Variants in CCDC154 observed in about 807,000 individuals in gnomAD.
CCDC154 encodes the protein coiled-coil domain-containing protein 154.
In CCDC154, 91 loss-of-function variants were observed where a neutral mutation model predicts 87.5. The observed-to-expected ratio is 1.04, with a 90% CI of 0.88 to 1.24. The LOEUF is 1.24. Among genes scored for constraint, CCDC154 ranks in the 50% most tolerant of loss-of-function variants. The pLI is 0.00. For missense variants in CCDC154, 903 were observed against 879.2 expected (o/e 1.03, Z -0.34); for synonymous variants, 418 against 400.4 (o/e 1.04, Z -0.52).
chr16:1,444,116 G>A, intron 1 of CCDC154, 104 bp from the exon 2 acceptor site: 1 of 1,044,686 alleles, frequency 9.6e-7, no homozygotes, highest in Non-Finnish European at 1.3e-6. Flanking sequence ...CCACCACCCA[G>A]AGCTCAACGC....
At chr16:1,439,645 C>T (rs748354467) in intron 6 of CCDC154, among the ~76,000 whole-genome samples, 4 of 152,154 alleles carry the variant, frequency 2.6e-5, no homozygotes, top group East Asian at 3.9e-4. Context: ...CACGGAGAGG[C>T]GCCTCCCGGG....
In CCDC154 at chr16:1,443,590, G is replaced by A. The variant is rs906999863; in HGVS notation, c.330C>T (p.Arg110=). The change falls in exon 3 of 17, where the codon CGC becomes CGT. Residue 110 remains arginine (R), a synonymous_variant. Coordinates refer to ENST00000389176, the MANE Select transcript of CCDC154 (RefSeq NM_001143980.3). ...TCAGCTCTGAGCCCTGCAGCTGCAC[G>A]CGGGCCCGCACCTGGAGCAGCTCCC... ...LLRELLQVRA[R]VQLQGSELRQ... The A allele has an allele frequency of 1.7e-5, 25 of 1,457,440 alleles. No homozygotes were observed. The highest frequency in any genetic ancestry group is 1.5e-4 in the South Asian group (12 of 80,422). The allele number at this position is 1,457,440 out of a possible 1,614,324, so 90.3% of individuals were successfully genotyped here.
Position 1,434,857 on chromosome 16 carries a change from G to C in CCDC154, c.1693-5C>G. ...GGTGGCCATCTCCTGCGTGCGCTGT[G>C]GGACGGGGATGCTGGTGTCACCCAG... On this transcript the variant is annotated splice_region_variant and splice_polypyrimidine_tract_variant and intron_variant, in intron 15 of 16. Coordinates refer to ENST00000389176, the MANE Select transcript of CCDC154 (RefSeq NM_001143980.3). 1 of 1,492,306 alleles carries C rather than the reference G, an allele frequency of 6.7e-7. No individual in the cohort carries two copies. 92.4% of individuals were successfully genotyped at this position (1,492,306 alleles called of 1,614,324 possible).
intron 11 of CCDC154, chr16:1,437,245 C>T (rs1248521908): frequency 4.8e-6 from 1 of 210,146 alleles, no homozygotes; most frequent in Non-Finnish European, 9.5e-6. Context: ...AACGGGATGC[C>T]CGTGGGTGTC....
In CCDC154 at chr16:1,435,106, T is replaced by G; in HGVS notation, c.1675A>C (p.Asn559His). The G allele has an allele frequency of 6.5e-7, 1 of 1,549,874 alleles. No individual in the cohort carries two copies. The highest frequency in any genetic ancestry group is 8.7e-7 in the Non-Finnish European group (1 of 1,146,798). The change falls in exon 15 of 17, where the codon AAC becomes CAC. Residue 559 changes from asparagine (N) to histidine (H), a missense_variant. Coordinates refer to ENST00000389176, the MANE Select transcript of CCDC154 (RefSeq NM_001143980.3). ...CTCCTCACCAGCCGGGCCTCAGTGT[T>G]GAACCTGAGGTTCTGGATGGTCTTG... ...ANKTIQNLRF[N>H]TEARLRTQEM...
Position 1,443,707 on chromosome 16 carries a change from G to A in CCDC154, c.225-12C>T, listed in dbSNP as rs749556137. On this transcript the variant is annotated splice_polypyrimidine_tract_variant and intron_variant, in intron 2 of 16. Coordinates refer to ENST00000389176, the MANE Select transcript of CCDC154 (RefSeq NM_001143980.3). ...GCAGCTCCACCACCCTGGCCGGGGCGAGAGTGGGCGAGTCTGGCGGTGCCC... is the reference window on the plus strand; with the variant it reads ...GCAGCTCCACCACCCTGGCCGGGGCAAGAGTGGGCGAGTCTGGCGGTGCCC... 1.8e-5 allele frequency: 23 copies of A among 1,295,972 alleles called. No homozygotes were observed. The highest frequency in any genetic ancestry group is 5.1e-5 in the East Asian group (1 of 19,516). 80.3% of individuals were successfully genotyped at this position (1,295,972 alleles called of 1,614,324 possible).
rs117318560 is a variant in CCDC154 at position 1,434,535 on chromosome 16, C to T, written c.1878-1G>A. 4.9e-3 allele frequency: 7,582 copies of T among 1,545,066 alleles called. 33 individuals are homozygous for T. The highest frequency in any genetic ancestry group is 7.2e-3 in the Middle Eastern group (40 of 5,550). On this transcript the variant is annotated splice_acceptor_variant, in intron 16 of 16. Coordinates refer to ENST00000389176, the MANE Select transcript of CCDC154 (RefSeq NM_001143980.3). LOFTEE classifies it high-confidence loss of function. ...GAGGGACGCCTTCCAGCGCAGCCAC[C>T]TGTCCAGAGATGCGGCACATGGCCC...
rs1450007146 is a variant in CCDC154 at position 1,443,797 on chromosome 16, A to G, written c.223T>C (p.Trp75Arg). ...TAKHWNQLEQWVVELQAEVAC... is the reference protein window; with the variant it reads ...TAKHWNQLEQRVVELQAEVAC... ...GCCAGCACCCCCTGCAGGGCTCACCACTGCTCCAGCTGGTTCCAGTGCTTG... is the reference window on the plus strand; with the variant it reads ...GCCAGCACCCCCTGCAGGGCTCACCGCTGCTCCAGCTGGTTCCAGTGCTTG... Residue 75 changes from tryptophan to arginine, a missense_variant and splice_region_variant, in exon 2 of 17, where the codon TGG (tryptophan) becomes CGG (arginine). Transcript: ENST00000389176. 4 of 1,305,022 alleles carry G rather than the reference A, an allele frequency of 3.1e-6. No individual in the cohort carries two copies. The highest frequency in any genetic ancestry group is 4.0e-6 in the Non-Finnish European group (4 of 989,714). The allele number at this position is 1,305,022 out of a possible 1,614,324, so 80.8% of individuals were successfully genotyped here.
chr16:1,440,144 A>AG (rs1266892244), intron 6 of CCDC154, among the ~76,000 whole-genome samples: 5 of 44,638 alleles, frequency 1.1e-4, no homozygotes, highest in South Asian at 1.4e-3. Context: ...CGAGACTGTC[A>AG]GAAAAAAAAA....
chr16:1,437,787 C>T, intron 11 of CCDC154, 30 bp downstream of exon 11: 7 of 1,511,398 alleles, frequency 4.6e-6, no homozygotes, highest in Non-Finnish European at 6.2e-6. Context: ...CCCCATAGCC[C>T]CGCCTGCCCC....
chr16:1,442,307 T>C (rs2038558736), intron 6 of CCDC154, 99 bp downstream of exon 6: 11 of 1,304,688 alleles, frequency 8.4e-6, no homozygotes, highest in African/African-American at 1.5e-5. Flanking sequence ...CACAGATACA[T>C]GGTGAACGGC....
chr16:1,443,603 T>C lies in CCDC154; in HGVS notation c.317A>G (p.Gln106Arg). ...CTGCAGCTGCACGCGGGCCCGCACC[T>C]GGAGCAGCTCCCGCAGCAGGCTCCG... Reference protein sequence around the residue: ...ATRSLLRELLQVRARVQLQGS... With the variant: ...ATRSLLRELLRVRARVQLQGS... The change falls in exon 3 of 17, where the codon CAG (glutamine) becomes CGG (arginine). Residue 106 changes from glutamine (Q) to arginine (R), a missense_variant. By Grantham distance (43) the Gln-to-Arg change is conservative. Transcript: ENST00000389176. 3.5e-6 allele frequency: 5 copies of C among 1,438,298 alleles called. No individual in the cohort carries two copies. The highest frequency in any genetic ancestry group is 4.6e-6 in the Non-Finnish European group (5 of 1,089,824). 89.1% of individuals were successfully genotyped at this position (1,438,298 alleles called of 1,614,324 possible). A position where few individuals can be genotyped will look rare whatever the true frequency, so the allele number is the denominator to read the frequency against.
chr16:1,434,579 C>G, intron 16 of CCDC154, 45 bp from the exon 17 acceptor site: 1 of 1,521,928 alleles, frequency 6.6e-7, no homozygotes, highest in Non-Finnish European at 8.8e-7. Flanking sequence ...CCGCCCCACC[C>G]CCCATGGCCC....
Position 1,435,968 on chromosome 16 carries a change from C to T in CCDC154, c.1605+1G>A. 2 of 1,549,466 alleles carry T rather than the reference C, an allele frequency of 1.3e-6. No homozygotes were observed. The highest frequency in any genetic ancestry group is 1.7e-6 in the Non-Finnish European group (2 of 1,146,452). ...CTGGGTGCGGGCAGCCCCAGGACTA[C>T]CGTGGCCAGCTTGCCCTGCATCTCC... On this transcript the variant is annotated splice_donor_variant, in intron 14 of 16. Transcript: ENST00000389176. LOFTEE classifies it high-confidence loss of function.
intron 4 of CCDC154, 75 bp downstream of exon 4, chr16:1,443,186 C>A (rs1206380040): frequency 1.3e-5 from 20 of 1,504,836 alleles, no homozygotes; most frequent in Middle Eastern, 3.5e-4. Flanking sequence ...TGTGGACCCC[C>A]CACCACACCT....
At position 1,442,899 on chromosome 16, in the gene CCDC154, C is replaced by T. The variant is rs758425232; in HGVS notation, c.532G>A (p.Glu178Lys). ...GCCCACCTGAGGCCGGCCTCTTGCTCGGCGCCCCTTCTCTCCGCCTCCTGT... is the reference window on the plus strand; with the variant it reads ...GCCCACCTGAGGCCGGCCTCTTGCTTGGCGCCCCTTCTCTCCGCCTCCTGT... ...VQQEAERRGA[E>K]QEAGLRLAKL... Residue 178 changes from glutamate (E) to lysine (K), a missense_variant, in exon 5 of 17, where the codon GAG (glutamate) becomes AAG (lysine). By Grantham distance (56) the Glu-to-Lys change is moderately conservative (BLOSUM62 1). Coordinates refer to ENST00000389176, the MANE Select transcript of CCDC154 (RefSeq NM_001143980.3). 4.5e-6 allele frequency: 7 copies of T among 1,549,354 alleles called. No homozygotes were observed. The highest frequency in any genetic ancestry group is 2.4e-5 in the East Asian group (1 of 40,894).
intron 15 of CCDC154, 21 bp from the exon 16 acceptor site, chr16:1,434,873 T>C (rs1331985828): frequency 6.8e-7 from 1 of 1,480,678 alleles, no homozygotes; most frequent in African/African-American, 1.4e-5. Flanking sequence ...GGGATGCTGG[T>C]GTCACCCAGG....
In CCDC154 at chr16:1,438,551, G is replaced by A. The variant is rs114731799; in HGVS notation, c.1025+68C>T. 3,970 of 1,391,830 alleles carry A rather than the reference G, an allele frequency of 2.9e-3. 80 individuals are homozygous for A. In the African/African-American group the frequency reaches 0.047, roughly 17 times the overall value. The allele number at this position is 1,391,830 out of a possible 1,614,324, so 86.2% of individuals were successfully genotyped here. A position where few individuals can be genotyped will look rare whatever the true frequency, so the allele number is the denominator to read the frequency against. On this transcript the variant is annotated intron_variant, in intron 9 of 16. Coordinates refer to ENST00000389176, the MANE Select transcript of CCDC154 (RefSeq NM_001143980.3). The stretch of plus-strand genomic sequence containing the variant: ...CATTCCCTGCTGAGTCGGCCACTGC[G>A]GCCCCCTCCTGAGTGGGACATCAGG...
intron 11 of CCDC154, chr16:1,437,141 G>A (rs931608812): frequency 5.4e-6 from 2 of 369,180 alleles, no homozygotes; most frequent in Admixed American, 4.1e-5. Context: ...CGTGTCGGTG[G>A]ATGAGCGGGA....
Sources: allele counts gnomAD v4.1 joint callset (sites outside exome capture counted in the v4.1 genomes callset), GRCh38; gene constraint gnomAD v4.1.1; transcripts MANE v1.5; gene names NCBI Gene and HGNC (gene_info 2026-07-23, HGNC 2026-07-21).